The following BMP6 variants were observed in gnomAD, a reference collection of about 807,000 sequenced individuals.
BMP6 encodes the protein VG-1-R.
A neutral mutation model predicts 54.1 loss-of-function variants in BMP6; 17 were observed. The ratio of observed to expected loss-of-function variants is 0.31; its 90% CI spans 0.22 to 0.47. BMP6 has a LOEUF of 0.47. Among genes scored for constraint, BMP6 ranks in the 20% least tolerant of loss-of-function variants. BMP6 has a pLI of 1.00. For synonymous variants in BMP6, 328 were observed against 291.2 expected (o/e 1.13, Z -1.28); for missense variants, 720 against 690.4 (o/e 1.04, Z -0.48).
chr6:7,778,400 A>G (rs1757893599), intron 1 of BMP6, among the ~76,000 whole-genome samples: 1 of 152,200 alleles, frequency 6.6e-6, no homozygotes, highest in Non-Finnish European at 1.5e-5. Flanking sequence ...TTTTAGAGAT[A>G]AGGAGACTGA....
chr6:7,796,442 C>T (rs1758191832), intron 1 of BMP6, among the ~76,000 whole-genome samples: 1 of 152,210 alleles, frequency 6.6e-6, no homozygotes, highest in Non-Finnish European at 1.5e-5. Flanking sequence ...CACCCTGTTC[C>T]CCACACTGTT....
intron 1 of BMP6, among the ~76,000 whole-genome samples, chr6:7,795,871 G>A (rs887453789): frequency 4.3e-4 from 66 of 152,254 alleles, no homozygotes; most frequent in African/African-American, 1.5e-3. Flanking sequence ...ATGGGTGGAT[G>A]GAGGCGCCTC....
intron 1 of BMP6, among the ~76,000 whole-genome samples, chr6:7,741,169 G>T (rs971311910): frequency 1.3e-5 from 2 of 152,144 alleles, no homozygotes; most frequent in African/African-American, 2.4e-5. Context: ...ATGCCATCTC[G>T]TTAAGAAAGG....
chr6:7,806,518 G>A (rs1758349039), intron 1 of BMP6, among the ~76,000 whole-genome samples: 1 of 152,054 alleles, frequency 6.6e-6, no homozygotes, highest in Non-Finnish European at 1.5e-5. Flanking sequence ...TTGCGTGAAT[G>A]TATTCTATTG....
At chr6:7,829,439 C>T (rs1417949139) in intron 1 of BMP6, among the ~76,000 whole-genome samples, 2 of 152,162 alleles carry the variant, frequency 1.3e-5, no homozygotes, top group East Asian at 3.9e-4. Context: ...CACAGTGGCT[C>T]ACACCTGTAA....
intron 1 of BMP6, among the ~76,000 whole-genome samples, chr6:7,729,180 A>G (rs957306112): frequency 3.9e-5 from 6 of 152,202 alleles, no homozygotes; most frequent in Non-Finnish European, 7.4e-5. Context: ...GGAAATTCTC[A>G]TGCCAGTCAA....
intron 1 of BMP6, among the ~76,000 whole-genome samples, chr6:7,821,341 C>T (rs540888374): frequency 2.0e-5 from 3 of 152,216 alleles, no homozygotes; most frequent in Admixed American, 2.0e-4. Flanking sequence ...TGCATTGTGC[C>T]CATGACTGCT....
In BMP6 at chr6:7,840,175, C is replaced by T. The variant is rs1042954922; in HGVS notation, c.665-4965C>T. 2.0e-5 allele frequency among the ~76,000 whole-genome samples: 3 copies of T among 152,268 alleles called. No homozygotes were observed. The East Asian group carries it at 5.8e-4, about 29-fold the overall frequency. On this transcript the variant is annotated intron_variant, in intron 1 of 6. Transcript: ENST00000283147. ...TTTCCATGTGAGCCTGCCTGTACAACTTCATCATGTCTCTAAAAAGGAAAG... is the reference window on the plus strand; with the variant it reads ...TTTCCATGTGAGCCTGCCTGTACAATTTCATCATGTCTCTAAAAAGGAAAG...
At chr6:7,852,775 C>T (rs897764153) in intron 2 of BMP6, among the ~76,000 whole-genome samples, 2 of 152,050 alleles carry the variant, frequency 1.3e-5, no homozygotes, top group African/African-American at 2.4e-5. Context: ...ACTCCTCGTC[C>T]CATATAAACA....
intron 1 of BMP6, among the ~76,000 whole-genome samples, chr6:7,803,133 AG>A (rs1367358837): frequency 1.3e-5 from 2 of 152,162 alleles, no homozygotes; most frequent in African/African-American, 4.8e-5. Context: ...TGGCCAGGGC[AG>A]GTCCCTTCCT....
chr6:7,840,288 CATT>C lies in BMP6; in HGVS notation c.665-4848_665-4846del, dbSNP rs528006194. Among the ~76,000 whole-genome samples the C allele has an allele frequency of 1.8e-3, 272 of 152,280 alleles. 2 individuals are homozygous for C. The highest frequency in any genetic ancestry group is 5.8e-3 in the African/African-American group (243 of 41,554). On this transcript the variant is annotated intron_variant, in intron 1 of 6. Transcript: ENST00000283147. ...TTTTAAAGGGCAGGGGAGTGATAAA[CATT>C]ATTCCTGATGTGAGGTACCTTTGGA...
At chr6:7,848,918 T>C (rs1381745201) in intron 2 of BMP6, among the ~76,000 whole-genome samples, 7 of 152,220 alleles carry the variant, frequency 4.6e-5, no homozygotes, top group Admixed American at 3.9e-4. Context: ...CCTTCTCTTA[T>C]ATTTTCTCAT....
chr6:7,760,003 C>T (rs270401), intron 1 of BMP6, among the ~76,000 whole-genome samples: 71,518 of 150,528 alleles, frequency 0.48, 17,880 homozygotes, highest in Non-Finnish European at 0.56. Context: ...CTACACCTGG[C>T]CTCTTTCTTA....
chr6:7,862,317 C>T lies in BMP6; in HGVS notation c.1023C>T (p.Pro341=). The T allele has an allele frequency of 6.2e-7, 1 of 1,614,236 alleles. No homozygotes were observed. Among genetic ancestry groups the T allele is most frequent in the Non-Finnish European group, 8.5e-7 (1 of 1,180,042 alleles). The change falls in exon 4 of 7, where the codon CCC becomes CCT. Residue 341 remains proline (P), a synonymous_variant. Coordinates refer to ENST00000283147, the MANE Select transcript of BMP6 (RefSeq NM_001718.6). ...VVTRDGVHVH[P]RAAGLVGRDG... ...GCATTAAAGGAGTCCACGTCCACCC[C>T]CGAGCCGCAGGCCTGGTGGGCAGAG...
intron 1 of BMP6, among the ~76,000 whole-genome samples, chr6:7,800,909 GGGA>G (rs550033999): frequency 0.13 from 17,905 of 139,110 alleles, 1,232 homozygotes; most frequent in African/African-American, 0.21. Context: ...ATAAAGCGGG[GGGA>G]GGGGGGGGCA....
chr6:7,829,616 G>A (rs1758756661), intron 1 of BMP6, among the ~76,000 whole-genome samples: 1 of 152,190 alleles, frequency 6.6e-6, no homozygotes, highest in Non-Finnish European at 1.5e-5. Context: ...CAAGGCAGGA[G>A]GATTGCTTGG....
At chr6:7,828,901 C>T (rs576154550) in intron 1 of BMP6, among the ~76,000 whole-genome samples, 19 of 152,332 alleles carry the variant, frequency 1.2e-4, no homozygotes, top group African/African-American at 3.1e-4. Flanking sequence ...GCCCATCACG[C>T]GGACCAGAGG....
Position 7,772,925 on chromosome 6 carries a change from A to G in BMP6, c.664+45306A>G, listed in dbSNP as rs560330622. Among the ~76,000 whole-genome samples, 9 of 152,220 alleles carry G rather than the reference A, an allele frequency of 5.9e-5. No homozygotes were observed. The East Asian group carries it at 1.2e-3, about 20-fold the overall frequency. ...GCTTGACAGGACTGGGACCCAATCT[A>G]TCTCCTTGTGGTGCTTTAATTTGTC... On this transcript the variant is annotated intron_variant, in intron 1 of 6. Coordinates refer to ENST00000283147, the MANE Select transcript of BMP6 (RefSeq NM_001718.6).
intron 1 of BMP6, among the ~76,000 whole-genome samples, chr6:7,838,740 A>C (rs1051854694): frequency 6.6e-6 from 1 of 152,110 alleles, no homozygotes; most frequent in African/African-American, 2.4e-5. Flanking sequence ...CAGGAGATCG[A>C]GACCATCCTG....
Sources: gnomAD v4.1 joint callset for allele counts (sites outside exome capture counted in the v4.1 genomes callset) on GRCh38, gnomAD v4.1.1 for gene constraint, MANE v1.5 for transcripts, NCBI Gene and HGNC (gene_info 2026-07-23, HGNC 2026-07-21) for gene names.